SAMD12: variants seen among roughly 807,000 people sequenced by gnomAD.
SAMD12 encodes the protein sterile alpha motif domain-containing protein 12.
Under a neutral mutation model 15.0 loss-of-function variants are expected in SAMD12, and 9 were observed. The observed-to-expected ratio is 0.60, with a 90% CI of 0.36 to 1.05. The LOEUF (loss-of-function observed/expected upper bound fraction) is 1.05. Among genes scored for constraint, SAMD12 ranks in the 50% least tolerant of loss-of-function variants. The pLI is 0.01. For synonymous variants in SAMD12, 86 were observed against 90.1 expected (o/e 0.96, Z 0.25); for missense variants, 230 against 234.2 (o/e 0.98, Z 0.12).
chr8:118,534,789 T>C (rs1364763022), intron 2 of SAMD12, among the ~76,000 whole-genome samples: 1 of 152,244 alleles, frequency 6.6e-6, no homozygotes, highest in African/African-American at 2.4e-5. Context: ...GGTTTTCAGC[T>C]CCATCAGGTC....
At chr8:118,235,988 C>A (rs11562709) in intron 4 of SAMD12, among the ~76,000 whole-genome samples, 15,907 of 152,232 alleles carry the variant, frequency 0.1, 1,163 homozygotes, top group African/African-American at 0.19. Context: ...ATAAACTAAT[C>A]TCTTTAAGCC....
chr8:118,292,349 G>GACACACAGACACAC (rs111807707), intron 4 of SAMD12, among the ~76,000 whole-genome samples: 19 of 137,710 alleles, frequency 1.4e-4, no homozygotes, highest in African/African-American at 4.7e-4. Flanking sequence ...CAAACACACA[G>GACACACAGACACAC]ACACACACAC....
At chr8:118,486,679 G>A (rs1824295685) in intron 2 of SAMD12, among the ~76,000 whole-genome samples, 2 of 152,078 alleles carry the variant, frequency 1.3e-5, no homozygotes, top group Non-Finnish European at 1.5e-5. Context: ...TAAGAAATCA[G>A]TGTTGGTTTA....
intron 2 of SAMD12, among the ~76,000 whole-genome samples, chr8:118,550,357 G>C (rs1017451240): frequency 1.3e-5 from 2 of 152,220 alleles, no homozygotes; most frequent in African/African-American, 2.4e-5. Flanking sequence ...AGCCAAAAGA[G>C]AGTGGGGGCC....
chr8:118,517,573 C>A (rs1411699622), intron 2 of SAMD12, among the ~76,000 whole-genome samples: 1 of 152,136 alleles, frequency 6.6e-6, no homozygotes, highest in Non-Finnish European at 1.5e-5. Flanking sequence ...CAAGTGCTGA[C>A]AGAACATGGG....
chr8:118,284,502 C>CCTG, intron 4 of SAMD12: 1 of 363,152 alleles, frequency 2.8e-6, no homozygotes, highest in Non-Finnish European at 5.4e-6. Flanking sequence ...CCCTCTTACT[C>CCTG]TTTCCATCTA....
At chr8:118,602,550 A>G (rs938839645) in intron 1 of SAMD12, among the ~76,000 whole-genome samples, 5 of 152,270 alleles carry the variant, frequency 3.3e-5, no homozygotes, top group African/African-American at 1.2e-4. Context: ...ACATTGAAAC[A>G]TATCTGAAAA....
intron 4 of SAMD12, among the ~76,000 whole-genome samples, chr8:118,288,585 A>C (rs1814184300): frequency 6.6e-6 from 1 of 152,228 alleles, no homozygotes; most frequent in South Asian, 2.1e-4. Flanking sequence ...CTTCTAAAAA[A>C]AGCATCTAGT....
chr8:118,293,171 G>C (rs181232572), intron 4 of SAMD12, among the ~76,000 whole-genome samples: 1 of 152,122 alleles, frequency 6.6e-6, no homozygotes, highest in Non-Finnish European at 1.5e-5. Context: ...GACCACATAA[G>C]TGCTAATGGC....
chr8:118,611,265 G>C (rs1453887791), intron 1 of SAMD12, among the ~76,000 whole-genome samples: 1 of 152,000 alleles, frequency 6.6e-6, no homozygotes, highest in Non-Finnish European at 1.5e-5. Flanking sequence ...GTTTATCCAG[G>C]CAGAATTATC....
downstream of SAMD12, among the ~76,000 whole-genome samples, chr8:118,186,817 TGAGA>T (rs1284618323): frequency 6.6e-6 from 1 of 151,940 alleles, no homozygotes; most frequent in African/African-American, 2.4e-5. Context: ...AGGTTCTTCC[TGAGA>T]GAGAGAGAAG....
rs897421521 is a variant in SAMD12 at position 118,584,246 on chromosome 8, C to T, written c.14-3353G>A. Among the ~76,000 whole-genome samples the T allele has an allele frequency of 2.0e-5, 3 of 152,280 alleles. No homozygotes were observed. The East Asian group carries it at 5.8e-4, about 29-fold the overall frequency. ...TGTACTTAGAATTATTTATTTAAAA[C>T]CATTTTTGATAGACTTTGCTTTGTT... On this transcript the variant is annotated intron_variant, in intron 1 of 3. Coordinates refer to ENST00000314727, the MANE Select transcript of SAMD12 (RefSeq NM_207506.3).
At chr8:118,459,385 C>T (rs1217090126) in intron 2 of SAMD12, among the ~76,000 whole-genome samples, 19 of 148,774 alleles carry the variant, frequency 1.3e-4, no homozygotes, top group Admixed American at 1.3e-3. Flanking sequence ...AATTTCTAAT[C>T]TATCACATTA....
chr8:118,594,389 CAT>C (rs1277914784), intron 1 of SAMD12, among the ~76,000 whole-genome samples: 1 of 151,956 alleles, frequency 6.6e-6, no homozygotes, highest in East Asian at 1.9e-4. Context: ...TATCTGTGCA[CAT>C]GAGTTTTAAT....
chr8:118,543,843 C>T (rs1415587012), intron 2 of SAMD12, among the ~76,000 whole-genome samples: 1 of 152,040 alleles, frequency 6.6e-6, no homozygotes, highest in Non-Finnish European at 1.5e-5. Context: ...CTTAGGCAAG[C>T]ACACATTTCT....
intron 3 of SAMD12, among the ~76,000 whole-genome samples, chr8:118,422,004 T>C (rs112520660): frequency 6.6e-6 from 1 of 152,140 alleles, no homozygotes; most frequent in African/African-American, 2.4e-5. Context: ...GGAACATCAA[T>C]GGAATGTAAG....
At chr8:118,269,220 C>CTGTGTGTGTGTGTGTG (rs71515963) in intron 4 of SAMD12, among the ~76,000 whole-genome samples, 4 of 123,006 alleles carry the variant, frequency 3.3e-5, no homozygotes, top group Non-Finnish European at 6.6e-5. Context: ...CTCTCTCTCT[C>CTGTGTGTGTGTGTGTG]TGTGTGTGTG....
At chr8:118,322,882 A>AT (rs34876122) in intron 4 of SAMD12, among the ~76,000 whole-genome samples, 72,579 of 151,974 alleles carry the variant, frequency 0.48, 19,372 homozygotes, top group African/African-American at 0.74. Context: ...ATTAAAAAAA[A>AT]TTTAAAAATA....
chr8:118,495,293 A>G (rs1216290879), intron 2 of SAMD12, among the ~76,000 whole-genome samples: 1 of 152,192 alleles, frequency 6.6e-6, no homozygotes, highest in Admixed American at 6.5e-5. Flanking sequence ...GCCACAGCAC[A>G]TGAGTCTCAG....
Sources: gnomAD v4.1 joint callset for allele counts (sites outside exome capture counted in the v4.1 genomes callset) on GRCh38, gnomAD v4.1.1 for gene constraint, MANE v1.5 for transcripts, NCBI Gene and HGNC (gene_info 2026-07-23, HGNC 2026-07-21) for gene names.